Variants in C6 observed in about 807,000 individuals in gnomAD.
C6 encodes complement C6, also known as complement component C6.
C6 carries 101 observed loss-of-function variants against 112.9 expected under a neutral mutation model. That is an observed-to-expected ratio of 0.89 (90% CI 0.76 to 1.06). The LOEUF (loss-of-function observed/expected upper bound fraction) is 1.06, where lower values mean the gene tolerates loss of function less well. Ranked by LOEUF, C6 falls within the 50% of genes least tolerant of loss-of-function variation. The probability of loss-of-function intolerance (pLI) is 0.00; values close to 1 mark genes in which losing one functional copy is unlikely to be tolerated. For missense variants in C6, 1,202 were observed against 1,104.6 expected, an observed-to-expected ratio of 1.09 and a Z score of -1.25; for synonymous variants, 431 against 384.1, an observed-to-expected ratio of 1.12 and a Z score of -1.43.
chr5:41,201,675 A>G lies in C6; in HGVS notation c.183T>C (p.Cys61=). ...TCTCCTGCTTGCTGCAAATCTGTTC[A>G]CAAAAGTTTTCCTGGTAGTACTTAT... The part of the protein sequence containing the change: ...VVDKYYQENF[C]EQICSKQETR... The change falls in exon 3 of 18, where the codon TGT becomes TGC. Residue 61 remains cysteine, a synonymous_variant. Transcript: ENST00000337836. The G allele has an allele frequency of 6.2e-7, 1 of 1,613,684 alleles. No individual in the cohort carries two copies. Among genetic ancestry groups the G allele is most frequent in the Non-Finnish European group, 8.5e-7 (1 of 1,179,882 alleles).
chr5:41,201,446 G>T, intron 3 of C6, 112 bp downstream of exon 3: 1 of 1,081,078 alleles, frequency 9.3e-7, no homozygotes, highest in Non-Finnish European at 1.4e-6. Context: ...AGCTGAGACA[G>T]TTGATTTTCA....
intron 6 of C6, among the ~76,000 whole-genome samples, chr5:41,182,256 CCCCCG>C (rs1006747351): frequency 2.0e-5 from 3 of 151,340 alleles, no homozygotes; most frequent in Non-Finnish European, 4.4e-5. Context: ...ATGTCACTTC[CCCCCG>C]CCCCTTTTTT....
intron 1 of C6, among the ~76,000 whole-genome samples, chr5:41,228,136 A>G (rs1336128335): frequency 6.6e-6 from 1 of 151,500 alleles, no homozygotes; most frequent in Non-Finnish European, 1.5e-5. Context: ...GTCTGCTTCC[A>G]TTTTTTTCAG....
At chr5:41,207,993 G>A (rs999574501) in intron 1 of C6, among the ~76,000 whole-genome samples, 4 of 152,086 alleles carry the variant, frequency 2.6e-5, no homozygotes, top group Admixed American at 6.6e-5. Flanking sequence ...GCACTCCTCC[G>A]CAAATGTAGA....
At chr5:41,157,361 G>GT (rs1747014912) in intron 13 of C6, among the ~76,000 whole-genome samples, 1 of 152,090 alleles carries the variant, frequency 6.6e-6, no homozygotes, top group African/African-American at 2.4e-5. Context: ...AGTTATTTTG[G>GT]TATCTGGATC....
chr5:41,178,466 C>CTTTT (rs70988836), intron 7 of C6, among the ~76,000 whole-genome samples: 161 of 101,562 alleles, frequency 1.6e-3, no homozygotes, highest in Non-Finnish European at 2.0e-3. Flanking sequence ...TTTTCTTTTT[C>CTTTT]TTTTTTTTTT....
At chr5:41,158,378 C>G (rs1372441336) in intron 13 of C6, among the ~76,000 whole-genome samples, 3 of 152,096 alleles carry the variant, frequency 2.0e-5, no homozygotes, top group African/African-American at 7.2e-5. Flanking sequence ...TCTGAAATAG[C>G]CAGATCTTAC....
chr5:41,158,627 C>G, intron 13 of C6, 47 bp downstream of exon 13: 1 of 962,150 alleles, frequency 1.0e-6, no homozygotes. Flanking sequence ...CTATACTTTT[C>G]GAGGTTTTTA....
At chr5:41,163,344 G>A (rs192554651) in intron 9 of C6, among the ~76,000 whole-genome samples, 16 of 139,438 alleles carry the variant, frequency 1.1e-4, no homozygotes, top group East Asian at 1.1e-3. Flanking sequence ...TAGAGGTCTC[G>A]CTCTGCCGCC....
At chr5:41,258,686 T>C (rs765594521) in intron 1 of C6, among the ~76,000 whole-genome samples, 1 of 152,198 alleles carries the variant, frequency 6.6e-6, no homozygotes, top group African/African-American at 2.4e-5. Flanking sequence ...TATGAAGAAA[T>C]ACCTGAGACT....
rs1440323241 is a variant in C6, at chr5:41,255,193, T to G, written c.-21+6001A>C. ...CTGACCAACATGGTGAAACCCTGTC[T>G]CTACTAAAAATACAAAAATTAGGCG... is the stretch of plus-strand genomic sequence containing the variant. On this transcript the variant is annotated intron_variant, in intron 1 of 17. Coordinates refer to the C6 transcript ENST00000263413. Among the ~76,000 whole-genome samples, 6 of 152,020 alleles carry G rather than the reference T, an allele frequency of 3.9e-5. No homozygotes were observed. In the South Asian group the frequency reaches 1.0e-3, roughly 26 times the overall value.
chr5:41,167,732 C>T (rs1748099193), intron 9 of C6, among the ~76,000 whole-genome samples: 2 of 152,070 alleles, frequency 1.3e-5, no homozygotes, highest in Admixed American at 1.3e-4. Flanking sequence ...TGAAAAGAGT[C>T]CCTATCAGAG....
At chr5:41,145,351 T>G (rs890790980) in intron 17 of C6, among the ~76,000 whole-genome samples, 3 of 152,206 alleles carry the variant, frequency 2.0e-5, no homozygotes, top group Non-Finnish European at 4.4e-5. Context: ...TGGAGAGCAG[T>G]GTGGCTCATC....
chr5:41,252,882 A>G (rs559777025), intron 1 of C6, among the ~76,000 whole-genome samples: 3 of 152,170 alleles, frequency 2.0e-5, no homozygotes, highest in Non-Finnish European at 4.4e-5. Context: ...CTGAACCAAT[A>G]TATACCTCAC....
At position 41,176,535 on chromosome 5, in the gene C6, A is replaced by G. The variant is rs1748864622; in HGVS notation, c.1108T>C (p.Ser370Pro). 6.2e-7 allele frequency: 1 copy of G among 1,613,752 alleles called. No homozygotes were observed. The change falls in exon 8 of 18, where the codon TCC becomes CCC. Residue 370 changes from serine (S) to proline (P), a missense_variant. Physicochemically the swap from Ser to Pro is moderately conservative, Grantham distance 74 (BLOSUM62 -1). Coordinates refer to ENST00000337836, the MANE Select transcript of C6 (RefSeq NM_000065.5). The stretch of plus-strand genomic sequence containing the variant: ...AGAAGGTCATACACGCCTCCCAGGG[A>G]GCCAGAGGTGAAGTAATGAGTCCCA... ...DFGTHYFTSG[S>P]LGGVYDLLYQ...
intron 15 of C6, among the ~76,000 whole-genome samples, chr5:41,151,314 G>T (rs1746373321): frequency 1.3e-5 from 2 of 152,150 alleles, no homozygotes; most frequent in Non-Finnish European, 1.5e-5. Context: ...CAGCTAGCAG[G>T]TAAAACAAGT....
chr5:41,142,764 T>C lies in C6; in HGVS notation c.*61A>G. The C allele has an allele frequency of 4.0e-6, 5 of 1,265,162 alleles. No individual in the cohort carries two copies. The highest frequency in any genetic ancestry group is 5.8e-6 in the Non-Finnish European group (5 of 862,924). 78.4% of individuals were successfully genotyped at this position (1,265,162 alleles called of 1,614,324 possible). On this transcript the variant is annotated 3_prime_UTR_variant, in exon 18 of 18. Transcript: ENST00000337836. Reference sequence around the variant, plus strand: ...CTGTTTGTGCAAGAATTCTCATTTGTAGGAGTTGGTTCTTCGGGATGGTAA... The same window carrying C: ...CTGTTTGTGCAAGAATTCTCATTTGCAGGAGTTGGTTCTTCGGGATGGTAA...
Position 41,227,066 on chromosome 5 carries a change from C to G in C6, c.-20-23816G>C, listed in dbSNP as rs1181491233. On this transcript the variant is annotated intron_variant, in intron 1 of 17. Coordinates refer to the C6 transcript ENST00000263413. Reference sequence around the variant, plus strand: ...TATAATGTCTGTACAAATTAATATTCCTACCAACAGTGTGTAAGAGTTTTC... The same window carrying G: ...TATAATGTCTGTACAAATTAATATTGCTACCAACAGTGTGTAAGAGTTTTC... Among the ~76,000 whole-genome samples the G allele has an allele frequency of 7.2e-5, 11 of 152,240 alleles. No homozygotes were observed. In the East Asian group the frequency reaches 1.9e-3, roughly 27 times the overall value.
rs1044934666 is a variant in C6, at chr5:41,254,279, G to A, written c.-21+6915C>T. On this transcript the variant is annotated intron_variant, in intron 1 of 17. Coordinates refer to the C6 transcript ENST00000263413. Reference sequence around the variant, plus strand: ...AAATTAGCCGGGTGTGGTGATGGGCGCCTGTAGTCCCAACTACTTGGGAGG... The same window carrying A: ...AAATTAGCCGGGTGTGGTGATGGGCACCTGTAGTCCCAACTACTTGGGAGG... 1.1e-4 allele frequency among the ~76,000 whole-genome samples: 16 copies of A among 152,052 alleles called. 1 individual carries two copies. The highest frequency in any genetic ancestry group is 4.6e-4 in the Admixed American group (7 of 15,270).
Sources: allele counts gnomAD v4.1 joint callset (sites outside exome capture counted in the v4.1 genomes callset), GRCh38; gene constraint gnomAD v4.1.1; transcripts MANE v1.5; gene names NCBI Gene and HGNC (gene_info 2026-07-23, HGNC 2026-07-21).